Variants in PTPRD observed in about 807,000 individuals in gnomAD.
PTPRD encodes the protein receptor-type tyrosine-protein phosphatase delta.
In PTPRD, 34 loss-of-function variants were observed where a neutral mutation model predicts 214.5. The ratio of observed to expected loss-of-function variants is 0.16; its 90% CI spans 0.12 to 0.21. PTPRD has a LOEUF of 0.21. PTPRD is among the 10% of genes least tolerant of loss of function. The pLI, the probability that PTPRD is intolerant of heterozygous loss-of-function variation, is 1.00. For synonymous variants in PTPRD, 1,128 were observed against 845.7 expected (o/e 1.33, Z -5.79); for missense variants, 2,545 against 2,398.7 (o/e 1.06, Z -1.27).
chr9:10,216,620 C>T (rs1209093214), intron 3 of PTPRD, among the ~76,000 whole-genome samples: 1 of 151,932 alleles, frequency 6.6e-6, no homozygotes, highest in Non-Finnish European at 1.5e-5. Flanking sequence ...GATGTTTCTC[C>T]TATAAATCCA....
At chr9:8,782,650 T>G (rs2095771123) in intron 11 of PTPRD, among the ~76,000 whole-genome samples, 2 of 148,884 alleles carry the variant, frequency 1.3e-5, no homozygotes, top group African/African-American at 5.0e-5. Flanking sequence ...CAGGCTGAAG[T>G]GCAGTGGCAC....
intron 5 of PTPRD, among the ~76,000 whole-genome samples, chr9:9,790,736 T>C (rs1687950746): frequency 6.6e-6 from 1 of 152,226 alleles, no homozygotes; most frequent in Admixed American, 6.5e-5. Flanking sequence ...TCTTATATTT[T>C]TGGCTATTTT....
chr9:8,480,596 T>C (rs764331842), intron 30 of PTPRD, among the ~76,000 whole-genome samples: 4 of 152,224 alleles, frequency 2.6e-5, no homozygotes, highest in Non-Finnish European at 2.9e-5. Context: ...ATGGCCTTGA[T>C]GGTTTTATAG....
At chr9:9,574,365 G>A (rs903851763) in intron 8 of PTPRD, among the ~76,000 whole-genome samples, 4 of 151,928 alleles carry the variant, frequency 2.6e-5, no homozygotes, top group East Asian at 1.9e-4. Context: ...ATCTTGACAG[G>A]TGATAAAATA....
intron 8 of PTPRD, among the ~76,000 whole-genome samples, chr9:9,442,930 T>C (rs2088751079): frequency 6.6e-6 from 1 of 152,190 alleles, no homozygotes; most frequent in Admixed American, 6.5e-5. Flanking sequence ...ACATGTAACA[T>C]GTATGTTTAC....
chr9:10,603,085 AAGAGGCTGT>A (rs1490275930), intron 2 of PTPRD, among the ~76,000 whole-genome samples: 1 of 151,826 alleles, frequency 6.6e-6, no homozygotes, highest in Non-Finnish European at 1.5e-5. Context: ...ATCTGACGCC[AAGAGGCTGT>A]AGAGGTTAGA....
intron 2 of PTPRD, among the ~76,000 whole-genome samples, chr9:10,415,650 C>T (rs546608853): frequency 4.6e-5 from 7 of 151,722 alleles, no homozygotes; most frequent in Non-Finnish European, 5.9e-5. Context: ...GATAGAGAGA[C>T]GTGATTTTGC....
At chr9:10,608,626 T>C (rs2080116834) in intron 2 of PTPRD, among the ~76,000 whole-genome samples, 1 of 152,120 alleles carries the variant, frequency 6.6e-6, no homozygotes. Flanking sequence ...TTCAAATTGC[T>C]AAGCCAATTT....
intron 3 of PTPRD, among the ~76,000 whole-genome samples, chr9:10,164,915 C>T (rs561794703): frequency 1.3e-4 from 20 of 150,286 alleles, no homozygotes; most frequent in African/African-American, 4.9e-4. Flanking sequence ...AAGACAATAG[C>T]ATACATCTGA....
chr9:8,660,665 T>C (rs2097023859), intron 12 of PTPRD, among the ~76,000 whole-genome samples: 1 of 152,146 alleles, frequency 6.6e-6, no homozygotes, highest in Non-Finnish European at 1.5e-5. Context: ...GACTTGTTCT[T>C]TCTTCTGCAA....
At chr9:8,878,874 G>T (rs978383093) in intron 11 of PTPRD, among the ~76,000 whole-genome samples, 2 of 152,138 alleles carry the variant, frequency 1.3e-5, no homozygotes, top group Non-Finnish European at 2.9e-5. Context: ...CCCTTTTGGG[G>T]TGCATAGCAT....
At chr9:10,186,371 CA>C (rs1342774751) in intron 3 of PTPRD, among the ~76,000 whole-genome samples, 2 of 151,890 alleles carry the variant, frequency 1.3e-5, no homozygotes, top group African/African-American at 4.8e-5. Flanking sequence ...TACTTGGGAC[CA>C]ATTTTCTCAT....
chr9:10,343,970 T>C (rs2097000856), intron 2 of PTPRD, among the ~76,000 whole-genome samples: 1 of 147,128 alleles, frequency 6.8e-6, no homozygotes, highest in Non-Finnish European at 1.5e-5. Flanking sequence ...CTGTTCATTC[T>C]GATGGTAGTT....
intron 5 of PTPRD, among the ~76,000 whole-genome samples, chr9:9,808,286 C>G (rs1416509659): frequency 6.6e-6 from 1 of 152,156 alleles, no homozygotes; most frequent in Non-Finnish European, 1.5e-5. Flanking sequence ...ACATCTTCCT[C>G]AGATACAAGA....
At position 9,419,128 on chromosome 9, in the gene PTPRD, TAC is replaced by T. The variant is rs142908778; in HGVS notation, c.-236-21648_-236-21647del. Reference sequence around the variant, plus strand: ...ATGAATTCTAAAGATAGGCCCCTTATACACACACACACACACACACACACACA... The same window carrying T: ...ATGAATTCTAAAGATAGGCCCCTTATACACACACACACACACACACACACA... On this transcript the variant is annotated intron_variant, in intron 8 of 45. Transcript: ENST00000381196. Among the ~76,000 whole-genome samples, 943 of 139,938 alleles carry T rather than the reference TAC, an allele frequency of 6.7e-3. 7 individuals are homozygous for T. Among genetic ancestry groups the T allele is most frequent in the East Asian group, 0.028 (132 of 4,708 alleles). The allele number at this position is 139,938 out of a possible 152,430, so 91.8% of individuals were successfully genotyped here. A position where few individuals can be genotyped will look rare whatever the true frequency, so the allele number is the denominator to read the frequency against.
At chr9:8,975,561 G>A (rs1279144418) in intron 11 of PTPRD, among the ~76,000 whole-genome samples, 1 of 151,810 alleles carries the variant, frequency 6.6e-6, no homozygotes, top group Admixed American at 6.6e-5. Context: ...TTATATTAAT[G>A]ACAATTTCAG....
chr9:9,097,598 G>T lies in PTPRD; in HGVS notation c.-142-78863C>A, dbSNP rs563787238. On this transcript the variant is annotated intron_variant, in intron 10 of 45. Coordinates refer to ENST00000381196, the MANE Select transcript of PTPRD (RefSeq NM_002839.4). Reference sequence around the variant, plus strand: ...TAATTTTTTTTGTATTTTTAGTAGAGACAGGGTTTCACCGTGTCAGCCAGG... The same window carrying T: ...TAATTTTTTTTGTATTTTTAGTAGATACAGGGTTTCACCGTGTCAGCCAGG... Among the ~76,000 whole-genome samples the T allele has an allele frequency of 2.6e-5, 4 of 151,940 alleles. No homozygotes were observed. The South Asian group carries it at 6.2e-4, about 24-fold the overall frequency.
intron 11 of PTPRD, among the ~76,000 whole-genome samples, chr9:8,770,998 T>C (rs2095163269): frequency 6.6e-6 from 1 of 151,728 alleles, no homozygotes. Flanking sequence ...GCTAATACGG[T>C]GAAACCCCGT....
intron 8 of PTPRD, among the ~76,000 whole-genome samples, chr9:9,565,169 AG>A (rs1569569324): frequency 1.3e-5 from 2 of 151,786 alleles, no homozygotes; most frequent in African/African-American, 4.8e-5. Context: ...TATCTGAATG[AG>A]TAATTGTAAA....
Sources: allele counts gnomAD v4.1 joint callset (sites outside exome capture counted in the v4.1 genomes callset), GRCh38; gene constraint gnomAD v4.1.1; transcripts MANE v1.5; gene names NCBI Gene and HGNC (gene_info 2026-07-23, HGNC 2026-07-21).